Variants in PARN observed in about 807,000 individuals in gnomAD.
PARN encodes the protein poly(A)-specific ribonuclease.
In PARN, 71 loss-of-function variants were observed where a neutral mutation model predicts 102.8. That is an observed-to-expected ratio of 0.69 (90% CI 0.57 to 0.84). PARN has a LOEUF of 0.84. Among genes scored for constraint, PARN ranks in the 40% least tolerant of loss-of-function variants. The pLI is 0.00. For missense variants in PARN, 782 were observed against 760.9 expected (o/e 1.03, Z -0.33); for synonymous variants, 261 against 252.9 (o/e 1.03, Z -0.30).
intron 21 of PARN, among the ~76,000 whole-genome samples, chr16:14,521,224 G>C (rs948263293): frequency 2.0e-5 from 3 of 152,190 alleles, no homozygotes; most frequent in Non-Finnish European, 4.4e-5. Flanking sequence ...GTACTTGACA[G>C]ACAACAGAGA....
intron 22 of PARN, among the ~76,000 whole-genome samples, chr16:14,472,219 A>G (rs1962787992): frequency 6.6e-6 from 1 of 152,108 alleles, no homozygotes; most frequent in Non-Finnish European, 1.5e-5. Context: ...GGTAAAATCA[A>G]TTTTCCTGGT....
chr16:14,609,122 C>G lies in PARN; in HGVS notation c.556G>C (p.Glu186Gln). 1 of 1,470,680 alleles carries G rather than the reference C, an allele frequency of 6.8e-7. No individual in the cohort carries two copies. The highest frequency in any genetic ancestry group is 9.4e-7 in the Non-Finnish European group (1 of 1,063,852). The allele number at this position is 1,470,680 out of a possible 1,614,324, so 91.1% of individuals were successfully genotyped here. Reference sequence around the variant, plus strand: ...CTTTGTAATAAATCCTCTATTTTCTCTCTGAGGAATAAGAATAGACCATAA... The same window carrying G: ...CTTTGTAATAAATCCTCTATTTTCTGTCTGAGGAATAAGAATAGACCATAA... ...DQKKFIDQVV[E>Q]KIEDLLQSEE... is the part of the protein sequence containing the mutation. Residue 186 changes from glutamate (E) to glutamine (Q), a missense_variant and splice_region_variant, in exon 8 of 24, where the codon GAG (glutamate) becomes CAG (glutamine). Physicochemically the swap from Glu to Gln is conservative, Grantham distance 29. Coordinates refer to ENST00000437198, the MANE Select transcript of PARN (RefSeq NM_002582.4).
intron 22 of PARN, among the ~76,000 whole-genome samples, chr16:14,473,951 C>G (rs542431247): frequency 1.3e-5 from 2 of 152,102 alleles, no homozygotes; most frequent in African/African-American, 4.8e-5. Flanking sequence ...TAGTATATAG[C>G]TGGTAGGTGG....
chr16:14,581,063 T>G, intron 17 of PARN, 120 bp from the exon 18 acceptor site: 1 of 585,514 alleles, frequency 1.7e-6, no homozygotes, highest in Non-Finnish European at 3.1e-6. Flanking sequence ...GGTATTCTTT[T>G]TTTTTTGAGT....
intron 5 of PARN, among the ~76,000 whole-genome samples, chr16:14,622,818 T>C (rs1972401217): frequency 6.6e-6 from 1 of 152,036 alleles, no homozygotes; most frequent in South Asian, 2.1e-4. Flanking sequence ...TTTTTTACAA[T>C]GTAAGCCTGG....
At chr16:14,563,403 G>C (rs1259044335) in intron 18 of PARN, among the ~76,000 whole-genome samples, 1 of 152,098 alleles carries the variant, frequency 6.6e-6, no homozygotes, top group Admixed American at 6.6e-5. Flanking sequence ...TACCATGACA[G>C]ATCTGGCTGG....
intron 21 of PARN, among the ~76,000 whole-genome samples, chr16:14,551,528 C>G (rs1368305569): frequency 6.6e-6 from 1 of 152,088 alleles, no homozygotes; most frequent in Non-Finnish European, 1.5e-5. Context: ...GACATTGCGC[C>G]ACTGCACTCC....
intron 21 of PARN, among the ~76,000 whole-genome samples, chr16:14,517,302 G>A (rs1046413580): frequency 6.6e-6 from 1 of 152,204 alleles, no homozygotes. Context: ...AGCTTGTGCT[G>A]TCTTGCTGCT....
At position 14,580,779 on chromosome 16, in the gene PARN, T is replaced by A. The variant is rs548159132; in HGVS notation, c.1262+95A>T. The A allele has an allele frequency of 2.8e-5, 19 of 676,596 alleles. No homozygotes were observed. The African/African-American group carries it at 2.8e-4, about 10-fold the overall frequency. The allele number at this position is 676,596 out of a possible 1,614,324, so 41.9% of individuals were successfully genotyped here. ...ATGAAAAACAGCTTATCTAAAAATG[T>A]GTTATAGCTCCCAATAACTCCAAAC... On this transcript the variant is annotated intron_variant, in intron 18 of 23. Coordinates refer to ENST00000437198, the MANE Select transcript of PARN (RefSeq NM_002582.4).
chr16:14,448,395 A>C (rs1470988227), intron 22 of PARN, among the ~76,000 whole-genome samples: 1 of 151,850 alleles, frequency 6.6e-6, no homozygotes, highest in Non-Finnish European at 1.5e-5. Context: ...GATCCGCCCA[A>C]CTTGGCCTCC....
intron 6 of PARN, among the ~76,000 whole-genome samples, chr16:14,612,090 G>C (rs1294546690): frequency 6.6e-6 from 1 of 152,102 alleles, no homozygotes; most frequent in Non-Finnish European, 1.5e-5. Flanking sequence ...GACATAAGAC[G>C]TAACACTTAC....
At chr16:14,578,397 G>A (rs1969292979) in intron 18 of PARN, 1 of 149,366 alleles carries the variant, frequency 6.7e-6, no homozygotes, top group South Asian at 2.1e-4. Context: ...ACTAACGTCT[G>A]TAACTCCAGC....
At chr16:14,494,130 G>C (rs1331654571) in intron 21 of PARN, among the ~76,000 whole-genome samples, 1 of 152,226 alleles carries the variant, frequency 6.6e-6, no homozygotes, top group Non-Finnish European at 1.5e-5. Context: ...CTGCAGGACT[G>C]ACTGGGGGAC....
intron 22 of PARN, among the ~76,000 whole-genome samples, chr16:14,480,804 G>A (rs1039702187): frequency 2.0e-5 from 3 of 152,118 alleles, no homozygotes; most frequent in African/African-American, 7.2e-5. Context: ...AACCGGGTGT[G>A]GTGGTGCACA....
intron 21 of PARN, among the ~76,000 whole-genome samples, chr16:14,550,938 C>T (rs1442452347): frequency 6.6e-6 from 1 of 151,868 alleles, no homozygotes; most frequent in Admixed American, 6.6e-5. Context: ...CTACAAGAGA[C>T]GGGGTGCTCC....
At chr16:14,563,522 G>GTGTGTGTGTGTGTATATA (rs1423811963) in intron 18 of PARN, among the ~76,000 whole-genome samples, 3 of 149,148 alleles carry the variant, frequency 2.0e-5, no homozygotes, top group African/African-American at 5.0e-5. Context: ...GTGTGTGTGT[G>GTGTGTGTGTGTGTATATA]TATATAATTC....
At chr16:14,476,338 T>A (rs909439531) in intron 22 of PARN, among the ~76,000 whole-genome samples, 4 of 152,236 alleles carry the variant, frequency 2.6e-5, no homozygotes, top group African/African-American at 9.6e-5. Flanking sequence ...CCATCTCATT[T>A]TGGACTAGCA....
At chr16:14,582,140 T>C (rs1969569144) in intron 17 of PARN, 41 bp downstream of exon 17, 2 of 1,232,646 alleles carry the variant, frequency 1.6e-6, no homozygotes, top group Non-Finnish European at 2.4e-6. Flanking sequence ...AGATCCACCC[T>C]AGATCACTGC....
intron 15 of PARN, among the ~76,000 whole-genome samples, 162 bp from the exon 16 acceptor site, chr16:14,584,584 G>A (rs569483366): frequency 6.6e-6 from 1 of 152,190 alleles, no homozygotes; most frequent in Non-Finnish European, 1.5e-5. Flanking sequence ...TGAAAGAGAA[G>A]CAGCTAGTTT....
Sources: allele counts gnomAD v4.1 joint callset (sites outside exome capture counted in the v4.1 genomes callset), GRCh38; gene constraint gnomAD v4.1.1; transcripts MANE v1.5; gene names NCBI Gene and HGNC (gene_info 2026-07-23, HGNC 2026-07-21).